Variants in PLEKHH1 observed in about 807,000 individuals in gnomAD.
PLEKHH1 encodes pleckstrin homology domain-containing family H member 1.
In PLEKHH1, 104 loss-of-function variants were observed where a neutral mutation model predicts 160.0. That is an observed-to-expected ratio of 0.65 (90% CI 0.55 to 0.76). PLEKHH1 has a LOEUF of 0.76. Among genes scored for constraint, PLEKHH1 ranks in the 30% least tolerant of loss-of-function variants. The probability of loss-of-function intolerance (pLI) is 0.00; values close to 1 mark genes in which losing one functional copy is unlikely to be tolerated. For missense variants in PLEKHH1, 1,427 were observed against 1,724.1 expected, an observed-to-expected ratio of 0.83 and a Z score of 3.05; for synonymous variants, 619 against 678.4, an observed-to-expected ratio of 0.91 and a Z score of 1.36.
At chr14:67,560,224 A>G (rs1009176145) in intron 5 of PLEKHH1, among the ~76,000 whole-genome samples, 2 of 151,968 alleles carry the variant, frequency 1.3e-5, no homozygotes, top group African/African-American at 2.4e-5. Flanking sequence ...GACAGGTTTC[A>G]CCATGTTGGC....
chr14:67,535,476 G>A (rs1304147231), intron 1 of PLEKHH1, among the ~76,000 whole-genome samples: 1 of 149,126 alleles, frequency 6.7e-6, no homozygotes, highest in Non-Finnish European at 1.5e-5. Context: ...CGCCTCCAGG[G>A]TTCAAGCAGT....
In PLEKHH1 at chr14:67,582,248, C is replaced by T; in HGVS notation, c.3426+38C>T. Reference sequence around the variant, plus strand: ...TCAGGAAGCAGGAGGGTCGGGTTGCCAGCTTAGAATGAATGCACCATGCAG... The same window carrying T: ...TCAGGAAGCAGGAGGGTCGGGTTGCTAGCTTAGAATGAATGCACCATGCAG... On this transcript the variant is annotated intron_variant, in intron 24 of 28. Coordinates refer to ENST00000329153, the MANE Select transcript of PLEKHH1 (RefSeq NM_020715.3). This position sits in a 1 kb window ranked among gnomAD's most constrained non-coding sequence, Gnocchi z 5.0. 6.2e-7 allele frequency: 1 copy of T among 1,612,810 alleles called. No homozygotes were observed.
rs532262769 is a variant in PLEKHH1, at chr14:67,578,978, T to A, written c.2850-156T>A. On this transcript the variant is annotated intron_variant, in intron 20 of 28. Transcript: ENST00000329153. The surrounding 1 kb of genome is among the most constrained non-coding windows in gnomAD (Gnocchi z 5.0). ...CAACCTGCTATATAAAGGTCCTGAA[T>A]GACAAATTAATGTCCCAGACCAGAG... is the stretch of plus-strand genomic sequence containing the variant. Among the ~76,000 whole-genome samples the A allele has an allele frequency of 6.6e-6, 1 of 152,358 alleles. No individual in the cohort carries two copies. Among genetic ancestry groups the A allele is most frequent in the African/African-American group, 2.4e-5 (1 of 41,580 alleles).
rs776934193 is a variant in PLEKHH1, at chr14:67,561,999, G to A, written c.469G>A (p.Val157Met). Residue 157 changes from valine to methionine, a missense_variant, in exon 6 of 29, where the codon GTG becomes ATG. Around this residue, in one of 6 missense-constraint regions of PLEKHH1, gnomAD observed 831 missense variants for 929.2 expected, o/e 0.89. Coordinates refer to ENST00000329153, the MANE Select transcript of PLEKHH1 (RefSeq NM_020715.3). ...QHLKSHNQRLVEQVGSLQDAL... is the reference protein window; with the variant it reads ...QHLKSHNQRLMEQVGSLQDAL... ...TCTGAAAAGCCATAATCAGCGCCTG[G>A]TGGAGCAGGTGGGATCCCTTCAAGA... 1 of 1,613,900 alleles carries A rather than the reference G, an allele frequency of 6.2e-7. No homozygotes were observed. The highest frequency in any genetic ancestry group is 8.5e-7 in the Non-Finnish European group (1 of 1,179,826).
chr14:67,562,096 T>A, intron 6 of PLEKHH1, 41 bp from the exon 7 acceptor site: 2 of 1,601,254 alleles, frequency 1.2e-6, no homozygotes, highest in Non-Finnish European at 1.7e-6. Flanking sequence ...GGGGCTGAGC[T>A]ACGGGAGCTC....
rs148563889 is a variant in PLEKHH1 at position 67,589,202 on chromosome 14, A to C, written c.*1967A>C. ...TAAACAAGAATGGAGCTGTGTTCACACTGAATTTGGGGTCAATCTATTTCC... is the reference window on the plus strand; with the variant it reads ...TAAACAAGAATGGAGCTGTGTTCACCCTGAATTTGGGGTCAATCTATTTCC... On this transcript the variant is annotated 3_prime_UTR_variant, in exon 29 of 29. Coordinates refer to ENST00000329153, the MANE Select transcript of PLEKHH1 (RefSeq NM_020715.3). The C allele has an allele frequency of 5.8e-3, 1,394 of 240,710 alleles. 22 individuals carry two copies. The highest frequency in any genetic ancestry group is 0.031 in the African/African-American group (1,321 of 43,188). 14.9% of individuals were successfully genotyped at this position (240,710 alleles called of 1,614,324 possible).
chr14:67,579,517 C>T, intron 21 of PLEKHH1: 1 of 639,256 alleles, frequency 1.6e-6, no homozygotes, highest in Non-Finnish European at 2.6e-6. Flanking sequence ...AGGAGGGACC[C>T]AGGTATGCCC....
rs1179981219 is a variant in PLEKHH1 at position 67,540,983 on chromosome 14, T to G, written c.-34-851T>G. Among the ~76,000 whole-genome samples, 5 of 152,212 alleles carry G rather than the reference T, an allele frequency of 3.3e-5. No homozygotes were observed. In the East Asian group the frequency reaches 9.6e-4, roughly 29 times the overall value. On this transcript the variant is annotated intron_variant, in intron 1 of 28. Transcript: ENST00000329153. ...GTGTCTACTTGATTTGTTCTGAATT[T>G]GTACAAATTTTTTTCCCAAAGACTT...
chr14:67,549,878 C>T (rs1315540931), intron 2 of PLEKHH1, among the ~76,000 whole-genome samples: 1 of 152,226 alleles, frequency 6.6e-6, no homozygotes, highest in Non-Finnish European at 1.5e-5. Flanking sequence ...GTGGGCAGAG[C>T]CCAAGAATCT....
intron 8 of PLEKHH1, among the ~76,000 whole-genome samples, chr14:67,569,528 G>A (rs1161245219): frequency 6.8e-6 from 1 of 147,072 alleles, no homozygotes; most frequent in East Asian, 1.9e-4. Flanking sequence ...TGGGTGGGAG[G>A]AGCCACAAGT....
rs116233657 is a variant in PLEKHH1, at chr14:67,575,007, C to A, written c.2089-385C>A. Among the ~76,000 whole-genome samples the A allele has an allele frequency of 4.1e-3, 619 of 152,304 alleles. 5 individuals are homozygous for A. The highest frequency in any genetic ancestry group is 0.014 in the African/African-American group (602 of 41,554). Reference sequence around the variant, plus strand: ...GTCATTCTCCTTCGCCCGTGTGCAGCTTCTGTTCCTTCATGATGCATGGTT... The same window carrying A: ...GTCATTCTCCTTCGCCCGTGTGCAGATTCTGTTCCTTCATGATGCATGGTT... On this transcript the variant is annotated intron_variant, in intron 14 of 28. Transcript: ENST00000329153.
rs767913267 is a variant in PLEKHH1, at chr14:67,562,420, C to A, written c.789C>A (p.Ser263Arg). 3.7e-6 allele frequency: 6 copies of A among 1,613,654 alleles called. No individual in the cohort carries two copies. Among genetic ancestry groups the A allele is most frequent in the Non-Finnish European group, 5.1e-6 (6 of 1,179,670 alleles). Residue 263 changes from serine (S) to arginine (R), a missense_variant, in exon 7 of 29, where the codon AGC (serine) becomes AGA (arginine). Ser to Arg is a moderately radical substitution (Grantham distance 110). Coordinates refer to ENST00000329153, the MANE Select transcript of PLEKHH1 (RefSeq NM_020715.3). ...TTCAACCTCATCTGGGAAGAGAGAG[C>A]CCTCCCCACCAGCCATGCATGAAGC... is the stretch of plus-strand genomic sequence containing the variant. Reference protein sequence around the residue: ...KPLQPHLGRESPPHQPCMKLL... With the variant: ...KPLQPHLGRERPPHQPCMKLL...
At chr14:67,560,641 A>C (rs1362364441) in intron 5 of PLEKHH1, among the ~76,000 whole-genome samples, 1 of 152,172 alleles carries the variant, frequency 6.6e-6, no homozygotes. Context: ...ACTTGAAGCT[A>C]CAGTGCTATC....
chr14:67,576,109 T>G lies in PLEKHH1; in HGVS notation c.2352+104T>G. 1.1e-6 allele frequency: 1 copy of G among 874,492 alleles called. No individual in the cohort carries two copies. The highest frequency in any genetic ancestry group is 2.5e-5 in the East Asian group (1 of 39,324). The allele number at this position is 874,492 out of a possible 1,614,324, so 54.2% of individuals were successfully genotyped here. On this transcript the variant is annotated intron_variant, in intron 16 of 28. Transcript: ENST00000329153. This position sits in a 1 kb window ranked among gnomAD's most constrained non-coding sequence, Gnocchi z 4.0. ...TCCCAAAATTCAAATTTATTTCCTT[T>G]TGGACACTTTGGCAACTAATATTCT...
rs1594802037 is a variant in PLEKHH1, at chr14:67,587,503, C to CA, written c.*269dup. 4 of 478,990 alleles carry CA rather than the reference C, an allele frequency of 8.4e-6. No homozygotes were observed. The East Asian group carries it at 1.6e-4, about 19-fold the overall frequency. The allele number at this position is 478,990 out of a possible 1,614,324, so 29.7% of individuals were successfully genotyped here. On this transcript the variant is annotated 3_prime_UTR_variant, in exon 29 of 29. Coordinates refer to ENST00000329153, the MANE Select transcript of PLEKHH1 (RefSeq NM_020715.3). ...ACTCCAGATGCTACCTGATTCTAGA[C>CA]ATAGACAGGGATGATCCACTGTTAC...
intron 27 of PLEKHH1, 28 bp from the exon 28 acceptor site, chr14:67,585,923 C>T (rs780851870): frequency 3.8e-6 from 6 of 1,596,164 alleles, no homozygotes; most frequent in African/African-American, 1.3e-5. Context: ...GGAAAGTTTC[C>T]CCACAACTGA....
chr14:67,553,216 C>T (rs2034466909), intron 2 of PLEKHH1, among the ~76,000 whole-genome samples: 1 of 152,232 alleles, frequency 6.6e-6, no homozygotes, highest in Non-Finnish European at 1.5e-5. Flanking sequence ...ATGCCTTCTT[C>T]TGAGCTACAG....
In PLEKHH1 at chr14:67,562,439, A is replaced by G. The variant is rs749548541; in HGVS notation, c.808A>G (p.Met270Val). 10 of 1,613,690 alleles carry G rather than the reference A, an allele frequency of 6.2e-6. No individual in the cohort carries two copies. Residue 270 changes from methionine to valine, a missense_variant, in exon 7 of 29, where the codon ATG (methionine) becomes GTG (valine). This residue lies in a region of PLEKHH1 where 831 missense variants were observed against 929.2 expected (regional missense o/e 0.89). Coordinates refer to ENST00000329153, the MANE Select transcript of PLEKHH1 (RefSeq NM_020715.3). ...GRESPPHQPC[M>V]KLLTFRCSSA... ...AGAGAGCCCTCCCCACCAGCCATGC[A>G]TGAAGCTTCTTACCTTCAGATGTAG...
Position 67,587,596 on chromosome 14 carries a change from TG to T in PLEKHH1, c.*369del, listed in dbSNP as rs577328901. The T allele has an allele frequency of 1.5e-4, 40 of 258,154 alleles. No homozygotes were observed. Among genetic ancestry groups the T allele is most frequent in the South Asian group, 5.7e-4 (15 of 26,518 alleles). 16.0% of individuals were successfully genotyped at this position (258,154 alleles called of 1,614,324 possible). A position where few individuals can be genotyped will look rare whatever the true frequency, so the allele number is the denominator to read the frequency against. ...CTCTCAAGGAAGCTAATTTTCTTTC[TG>T]GGGGGGGCGGGGGACACAGTGTCAC... On this transcript the variant is annotated 3_prime_UTR_variant, in exon 29 of 29. Transcript: ENST00000329153.
Sources: allele counts gnomAD v4.1 joint callset (sites outside exome capture counted in the v4.1 genomes callset), GRCh38; gene constraint gnomAD v4.1.1; regional missense constraint gnomAD v4.1.1; non-coding constraint Gnocchi (gnomAD v3.1); transcripts MANE v1.5; gene names NCBI Gene and HGNC (gene_info 2026-07-23, HGNC 2026-07-21).